Variants in TENM2 observed in about 807,000 individuals in gnomAD.
TENM2 encodes the protein teneurin-2.
TENM2 carries 52 observed loss-of-function variants against 245.2 expected under a neutral mutation model. The observed-to-expected ratio is 0.21, with a 90% CI of 0.17 to 0.27. The LOEUF is 0.27. Among genes scored for constraint, TENM2 ranks in the 10% least tolerant of loss-of-function variants. The pLI, the probability that TENM2 is intolerant of heterozygous loss-of-function variation, is 1.00. For synonymous variants in TENM2, 1,363 were observed against 1,438.9 expected (o/e 0.95, Z 1.19); for missense variants, 3,046 against 3,666.8 (o/e 0.83, Z 4.37).
the TENM2 span, among the ~76,000 whole-genome samples, chr5:167,172,567 A>G: frequency 1.3e-5 from 2 of 151,876 alleles, no homozygotes; most frequent in East Asian, 1.9e-4. Context: ...GTTTCAGGGC[A>G]GAAGCTGCAT....
rs777170514 is a variant in TENM2, at chr5:167,853,289, CAAAAAA to C, written c.503-22679_503-22674del. Among the ~76,000 whole-genome samples the C allele has an allele frequency of 5.3e-4, 13 of 24,622 alleles. 1 individual carries two copies. Among genetic ancestry groups the C allele is most frequent in the South Asian group, 5.0e-3 (2 of 402 alleles). 16.2% of individuals were successfully genotyped at this position (24,622 alleles called of 152,430 possible). On this transcript the variant is annotated intron_variant, in intron 2 of 28. Coordinates refer to ENST00000518659, the Ensembl canonical transcript of TENM2. ...TGGGAGACAGAGCGAGACTCCGTCTCAAAAAAAAAAAAAAAAAAAAAAAGAAAGTGA... is the reference window on the plus strand; with the variant it reads ...TGGGAGACAGAGCGAGACTCCGTCTCAAAAAAAAAAAAAAAAAGAAAGTGA...
At chr5:168,115,440 A>C (rs964402518) in intron 9 of TENM2, among the ~76,000 whole-genome samples, 20 of 150,934 alleles carry the variant, frequency 1.3e-4, no homozygotes, top group Admixed American at 7.9e-4. Context: ...AAAAAAAAGA[A>C]AAAAATTTTA....
At chr5:167,742,368 T>C (rs202005049) in intron 2 of TENM2, among the ~76,000 whole-genome samples, 6 of 142,548 alleles carry the variant, frequency 4.2e-5, no homozygotes, top group Admixed American at 1.4e-4. Context: ...ATAGATAAAT[T>C]AAAAAAAAAA....
the TENM2 span, among the ~76,000 whole-genome samples, chr5:167,063,035 G>C: frequency 1.3e-5 from 2 of 152,098 alleles, no homozygotes; most frequent in Non-Finnish European, 2.9e-5. Flanking sequence ...AGGTCAACTG[G>C]TTTCTTTCTT....
At chr5:167,318,924 T>C (rs1756544536) in intron 1 of TENM2, among the ~76,000 whole-genome samples, 1 of 152,204 alleles carries the variant, frequency 6.6e-6, no homozygotes, top group Non-Finnish European at 1.5e-5. Flanking sequence ...ATTAAGTTGA[T>C]AGAACGTGAA....
intron 5 of TENM2, among the ~76,000 whole-genome samples, chr5:168,030,187 T>C (rs1581106891): frequency 3.1e-5 from 4 of 128,984 alleles, no homozygotes; most frequent in South Asian, 5.0e-4. Context: ...TTTTTTTTTT[T>C]CATCTTTCCA....
At chr5:167,652,398 T>C (rs1319558819) in intron 2 of TENM2, among the ~76,000 whole-genome samples, 1 of 152,200 alleles carries the variant, frequency 6.6e-6, no homozygotes, top group East Asian at 1.9e-4. Flanking sequence ...TTTATTATTT[T>C]TATCCTCTTC....
intron 2 of TENM2, among the ~76,000 whole-genome samples, chr5:167,854,381 C>T (rs1024208609): frequency 1.2e-4 from 18 of 152,196 alleles, no homozygotes; most frequent in African/African-American, 4.3e-4. Context: ...CATCTCTATC[C>T]CTGTATATGT....
At chr5:167,168,729 T>C in the TENM2 span, among the ~76,000 whole-genome samples, 6 of 152,174 alleles carry the variant, frequency 3.9e-5, no homozygotes, top group Non-Finnish European at 7.4e-5. Flanking sequence ...TTTGTTGATA[T>C]TTGAAAATGA....
At chr5:168,178,772 C>T (rs1375866718) in intron 13 of TENM2, among the ~76,000 whole-genome samples, 1 of 152,156 alleles carries the variant, frequency 6.6e-6, no homozygotes, top group Non-Finnish European at 1.5e-5. Flanking sequence ...TGCTTCCAGC[C>T]CCCTGTGAAA....
intron 2 of TENM2, among the ~76,000 whole-genome samples, chr5:167,421,305 C>T (rs1763492899): frequency 6.6e-6 from 1 of 152,184 alleles, no homozygotes; most frequent in Non-Finnish European, 1.5e-5. Flanking sequence ...TTTTGCAAAG[C>T]ATTGTTCTGA....
At chr5:167,628,325 C>A (rs901867249) in intron 2 of TENM2, among the ~76,000 whole-genome samples, 1 of 152,130 alleles carries the variant, frequency 6.6e-6, no homozygotes, top group Admixed American at 6.5e-5. Flanking sequence ...TCAAAAATCT[C>A]CAGTTATTTC....
chr5:167,122,461 G>T, the TENM2 span, among the ~76,000 whole-genome samples: 1 of 151,908 alleles, frequency 6.6e-6, no homozygotes, highest in Non-Finnish European at 1.5e-5. Context: ...CACCCTCCCC[G>T]GGCTGACTTA....
chr5:167,706,659 G>GA (rs1758546007), intron 2 of TENM2, among the ~76,000 whole-genome samples: 1 of 151,974 alleles, frequency 6.6e-6, no homozygotes, highest in Non-Finnish European at 1.5e-5. Context: ...TTAATTTTTT[G>GA]AGGAGTATCT....
chr5:167,073,227 T>C, the TENM2 span, among the ~76,000 whole-genome samples: 1 of 152,190 alleles, frequency 6.6e-6, no homozygotes, highest in South Asian at 2.1e-4. Context: ...CCTATTTTCT[T>C]TTTCATTTTA....
At chr5:167,940,589 A>G (rs1306980321) in intron 3 of TENM2, among the ~76,000 whole-genome samples, 1 of 152,220 alleles carries the variant, frequency 6.6e-6, no homozygotes, top group African/African-American at 2.4e-5. Context: ...GGTACAGCAA[A>G]TGCAAAGAGT....
At chr5:167,011,394 T>TA in the TENM2 span, among the ~76,000 whole-genome samples, 1 of 152,220 alleles carries the variant, frequency 6.6e-6, no homozygotes, top group African/African-American at 2.4e-5. Flanking sequence ...ATTCCCAGTG[T>TA]GAATGCCTAA....
intron 25 of TENM2, among the ~76,000 whole-genome samples, chr5:168,235,691 C>G (rs1422489155): frequency 6.6e-6 from 1 of 152,114 alleles, no homozygotes; most frequent in Non-Finnish European, 1.5e-5. Flanking sequence ...CCTATAATCC[C>G]AGCTACTTCG....
At chr5:167,317,741 G>A (rs1470827470) in intron 1 of TENM2, among the ~76,000 whole-genome samples, 1 of 152,120 alleles carries the variant, frequency 6.6e-6, no homozygotes, top group Non-Finnish European at 1.5e-5. Context: ...TTCTGTGTCG[G>A]TTTCCTGTTC....
Sources: allele counts gnomAD v4.1 joint callset (sites outside exome capture counted in the v4.1 genomes callset), GRCh38; gene constraint gnomAD v4.1.1; transcripts MANE v1.5; gene names NCBI Gene and HGNC (gene_info 2026-07-23, HGNC 2026-07-21).